PRMT8: variants seen among roughly 807,000 people sequenced by gnomAD.
PRMT8 encodes protein arginine N-methyltransferase 8.
PRMT8 carries 7 observed loss-of-function variants against 47.1 expected under a neutral mutation model. That is an observed-to-expected ratio of 0.15 (90% CI 0.08 to 0.28). The LOEUF is 0.28. Among genes scored for constraint, PRMT8 ranks in the 10% least tolerant of loss-of-function variants. The probability of loss-of-function intolerance (pLI) is 1.00; values close to 1 mark genes in which losing one functional copy is unlikely to be tolerated. For synonymous variants in PRMT8, 188 were observed against 186.5 expected (o/e 1.01, Z -0.07); for missense variants, 237 against 505.4 (o/e 0.47, Z 5.09).
At chr12:3,443,648 G>T (rs1004457978) in intron 1 of PRMT8, among the ~76,000 whole-genome samples, 3 of 152,098 alleles carry the variant, frequency 2.0e-5, no homozygotes, top group Admixed American at 6.5e-5. Flanking sequence ...GTTCTCCTTA[G>T]ACCAGCTGGA....
At chr12:3,586,029 G>C (rs1200189006) in intron 8 of PRMT8, among the ~76,000 whole-genome samples, 1 of 152,050 alleles carries the variant, frequency 6.6e-6, no homozygotes, top group African/African-American at 2.4e-5. Context: ...AAAGTCCATG[G>C]GCAAGGATGC....
intron 1 of PRMT8, among the ~76,000 whole-genome samples, chr12:3,521,606 C>T (rs916954749): frequency 3.3e-5 from 5 of 152,090 alleles, no homozygotes; most frequent in African/African-American, 9.6e-5. Context: ...TACGGGTGTA[C>T]GGGAATTGAT....
intron 8 of PRMT8, among the ~76,000 whole-genome samples, chr12:3,585,300 C>T (rs953641612): frequency 2.2e-5 from 3 of 138,676 alleles, no homozygotes; most frequent in African/African-American, 8.1e-5. Flanking sequence ...TACCAGAAAT[C>T]GAGGACATGA....
intron 1 of PRMT8, among the ~76,000 whole-genome samples, chr12:3,446,103 C>T (rs1479840124): frequency 6.6e-6 from 1 of 152,164 alleles, no homozygotes; most frequent in Non-Finnish European, 1.5e-5. Context: ...TGGGCACATG[C>T]ACTGCCCTCC....
intron 1 of PRMT8, 85 bp downstream of exon 1, chr12:3,491,785 GCCAAACTTTCC>G: frequency 2.0e-6 from 3 of 1,515,238 alleles, no homozygotes; most frequent in Non-Finnish European, 2.7e-6. Context: ...AGCGCCGAGT[GCCAAACTTTCC>G]CCAGTTTCAT....
Position 3,535,631 on chromosome 12 carries a change from G to A in PRMT8, c.76-4975G>A, listed in dbSNP as rs970836557. On this transcript the variant is annotated intron_variant, in intron 1 of 9. Coordinates refer to ENST00000382622, the MANE Select transcript of PRMT8 (RefSeq NM_019854.5). The surrounding 1 kb of genome is among the most constrained non-coding windows in gnomAD (Gnocchi z 4.7). ...TGGTGCAGAAACAGGTACCAGAACC[G>A]ACTCCAGGGCAGAGCAGGCAGGGCC... Among the ~76,000 whole-genome samples the A allele has an allele frequency of 6.6e-6, 1 of 152,168 alleles. No homozygotes were observed. Among genetic ancestry groups the A allele is most frequent in the Non-Finnish European group, 1.5e-5 (1 of 68,030 alleles).
intron 1 of PRMT8, among the ~76,000 whole-genome samples, chr12:3,473,936 C>T (rs1865184076): frequency 6.6e-6 from 1 of 152,174 alleles, no homozygotes; most frequent in African/African-American, 2.4e-5. Flanking sequence ...GGAGGTCACC[C>T]TTCTCTTCAT....
rs972432067 is a variant in PRMT8, at chr12:3,569,662, C to A, written c.712+98C>A. ...GATGAGCAGGCAGTGACATGAACAC[C>A]ATTGCTGTCCCTGAAGAGGAGCTTA... On this transcript the variant is annotated intron_variant, in intron 6 of 9. Coordinates refer to ENST00000382622, the MANE Select transcript of PRMT8 (RefSeq NM_019854.5). This position sits in a 1 kb window ranked among gnomAD's most constrained non-coding sequence, Gnocchi z 8.2. 6.3e-6 allele frequency: 6 copies of A among 946,154 alleles called. No individual in the cohort carries two copies. The highest frequency in any genetic ancestry group is 1.8e-5 in the Admixed American group (1 of 56,678). 58.6% of individuals were successfully genotyped at this position (946,154 alleles called of 1,614,324 possible).
rs533470244 is a variant in PRMT8, at chr12:3,582,070, A to G, written c.829-988A>G. ...ACAGATGGCCTTCTGGCTCTTACAG[A>G]GTTTTCAGGACAGAGGTCCTTGCTG... On this transcript the variant is annotated intron_variant, in intron 7 of 9. Coordinates refer to ENST00000382622, the MANE Select transcript of PRMT8 (RefSeq NM_019854.5). 3.2e-4 allele frequency among the ~76,000 whole-genome samples: 49 copies of G among 152,230 alleles called. 1 individual carries two copies. Among genetic ancestry groups the G allele is most frequent in the African/African-American group, 1.1e-3 (46 of 41,512 alleles).
chr12:3,403,091 T>A (rs77234816), intron 1 of PRMT8, among the ~76,000 whole-genome samples: 11,248 of 152,176 alleles, frequency 0.074, 1,306 homozygotes, highest in African/African-American at 0.25. Flanking sequence ...ATAGACTGGA[T>A]AAAGAAAATA....
At chr12:3,416,415 C>G (rs1864484400) in intron 1 of PRMT8, among the ~76,000 whole-genome samples, 1 of 152,172 alleles carries the variant, frequency 6.6e-6, no homozygotes, top group South Asian at 2.1e-4. Flanking sequence ...TGGTGTCAGT[C>G]TTCTTGCAGA....
At chr12:3,381,935 AT>A (rs1221254661) in intron 1 of PRMT8, among the ~76,000 whole-genome samples, 1 of 152,080 alleles carries the variant, frequency 6.6e-6, no homozygotes, top group East Asian at 1.9e-4. Context: ...TATTTCTGTA[AT>A]TTTGTCATTT....
chr12:3,424,853 C>T (rs986964279), intron 1 of PRMT8, among the ~76,000 whole-genome samples: 1 of 152,234 alleles, frequency 6.6e-6, no homozygotes, highest in Non-Finnish European at 1.5e-5. Flanking sequence ...GAAGTCCTTA[C>T]TGTACAAGTC....
chr12:3,579,307 A>G (rs753098666), intron 7 of PRMT8, among the ~76,000 whole-genome samples: 2 of 152,070 alleles, frequency 1.3e-5, no homozygotes, highest in Non-Finnish European at 2.9e-5. Context: ...CCCAGGCCCC[A>G]TTGGCAGGTG....
At chr12:3,490,544 A>AGG (rs1865369896), upstream of PRMT8, among the ~76,000 whole-genome samples, 2 of 12,672 alleles carry the variant, frequency 1.6e-4, no homozygotes, top group Non-Finnish European at 3.1e-4. Flanking sequence ...GGAAGACTGG[A>AGG]GTGGGGGGGG....
chr12:3,467,790 G>A (rs1017108544), intron 1 of PRMT8, among the ~76,000 whole-genome samples: 4 of 149,248 alleles, frequency 2.7e-5, no homozygotes, highest in Non-Finnish European at 5.9e-5. Flanking sequence ...AGTCTCACAG[G>A]CACCTCATTC....
At chr12:3,510,372 A>G (rs11611225) in intron 1 of PRMT8, among the ~76,000 whole-genome samples, 8,302 of 152,258 alleles carry the variant, frequency 0.055, 320 homozygotes, top group South Asian at 0.1. Flanking sequence ...AGTAAACAAT[A>G]ATATACTATA....
At chr12:3,547,441 A>C (rs1302408913) in intron 2 of PRMT8, among the ~76,000 whole-genome samples, 1 of 152,210 alleles carries the variant, frequency 6.6e-6, no homozygotes, top group Non-Finnish European at 1.5e-5. Context: ...ACCCATTGCA[A>C]AATGAAAAAT....
Position 3,552,588 on chromosome 12 carries a change from A to C in PRMT8, c.418-1063A>C, listed in dbSNP as rs1041124047. ...CACACCCCACAGACAGTGCAGCCTG[A>C]AGGCCAGGGACCTGGCAGCCCAGGA... On this transcript the variant is annotated intron_variant, in intron 3 of 9. Coordinates refer to ENST00000382622, the MANE Select transcript of PRMT8 (RefSeq NM_019854.5). The surrounding 1 kb of genome is among the most constrained non-coding windows in gnomAD (Gnocchi z 4.5). 3 of 377,776 alleles carry C rather than the reference A, an allele frequency of 7.9e-6. No individual in the cohort carries two copies. Among genetic ancestry groups the C allele is most frequent in the African/African-American group, 6.3e-5 (3 of 47,662 alleles). 23.4% of individuals were successfully genotyped at this position (377,776 alleles called of 1,614,324 possible).
Sources: gnomAD v4.1 joint callset for allele counts (sites outside exome capture counted in the v4.1 genomes callset) on GRCh38, gnomAD v4.1.1 for gene constraint, Gnocchi (gnomAD v3.1) non-coding constraint, MANE v1.5 for transcripts, NCBI Gene and HGNC (gene_info 2026-07-23, HGNC 2026-07-21) for gene names.